SPOCK1: variants seen among roughly 807,000 people sequenced by gnomAD.
The protein encoded by SPOCK1 is SPARC (osteonectin), cwcv and kazal like domains proteoglycan 1, also known as testican-1.
Under a neutral mutation model 55.3 loss-of-function variants are expected in SPOCK1, and 23 were observed. The observed-to-expected ratio is 0.42, with a 90% CI of 0.30 to 0.59. SPOCK1 has a LOEUF of 0.59. Among genes scored for constraint, SPOCK1 ranks in the 20% least tolerant of loss-of-function variants. The probability of loss-of-function intolerance (pLI) is 0.22; values close to 1 mark genes in which losing one functional copy is unlikely to be tolerated. For missense variants in SPOCK1, 499 were observed against 552.5 expected, an observed-to-expected ratio of 0.90 and a Z score of 0.97; for synonymous variants, 226 against 221.0, an observed-to-expected ratio of 1.02 and a Z score of -0.20.
At chr5:137,477,707 G>A in intron 2 of SPOCK1, among the ~76,000 whole-genome samples, 1 of 152,136 alleles carries the variant, frequency 6.6e-6, no homozygotes, top group Non-Finnish European at 1.5e-5. Flanking sequence ...CACATTTGAG[G>A]GGGAAAACAG....
intron 2 of SPOCK1, among the ~76,000 whole-genome samples, chr5:137,456,989 T>C (rs541942939): frequency 7.2e-5 from 11 of 152,298 alleles, no homozygotes; most frequent in African/African-American, 2.4e-4. Context: ...AGTCTGCAAG[T>C]TGTTTGGCCA....
chr5:136,984,136 C>T (rs1750791697), intron 9 of SPOCK1, among the ~76,000 whole-genome samples: 1 of 152,186 alleles, frequency 6.6e-6, no homozygotes, highest in Non-Finnish European at 1.5e-5. Context: ...TGTCCTTTTA[C>T]TCAGCAGAAG....
intron 2 of SPOCK1, among the ~76,000 whole-genome samples, chr5:137,319,003 C>T (rs1475863653): frequency 6.6e-6 from 1 of 152,272 alleles, no homozygotes; most frequent in East Asian, 1.9e-4. Flanking sequence ...GCTTTAGCCC[C>T]TAAAATTTGC....
intron 6 of SPOCK1, among the ~76,000 whole-genome samples, chr5:137,062,525 AAATAATAATAATAAT>A (rs71583272): frequency 4.0e-4 from 58 of 143,470 alleles, no homozygotes; most frequent in African/African-American, 1.4e-3. Flanking sequence ...CAAGCATTAT[AAATAATAATAATAAT>A]AATAATAATA....
chr5:137,295,381 G>C (rs537366353), intron 2 of SPOCK1, among the ~76,000 whole-genome samples: 1 of 152,082 alleles, frequency 6.6e-6, no homozygotes, highest in Non-Finnish European at 1.5e-5. Context: ...TTCCTCCTTA[G>C]AGCTCTACCA....
Position 136,987,621 on chromosome 5 carries a change from C to T in SPOCK1, c.928+801G>A, listed in dbSNP as rs146271552. Among the ~76,000 whole-genome samples the T allele has an allele frequency of 4.1e-3, 631 of 152,260 alleles. 2 individuals carry two copies. Among genetic ancestry groups the T allele is most frequent in the Non-Finnish European group, 7.1e-3 (485 of 68,014 alleles). Reference sequence around the variant, plus strand: ...ATACTTACCTTTCACTGAATACCCACGTTTTTTGTTGTGTGTGTATTGTCT... The same window carrying T: ...ATACTTACCTTTCACTGAATACCCATGTTTTTTGTTGTGTGTGTATTGTCT... On this transcript the variant is annotated intron_variant, in intron 8 of 10. Transcript: ENST00000394945.
chr5:137,448,314 C>A (rs752439672), intron 2 of SPOCK1, among the ~76,000 whole-genome samples: 1 of 152,134 alleles, frequency 6.6e-6, no homozygotes, highest in Non-Finnish European at 1.5e-5. Context: ...AAGAACCACA[C>A]CTCACCTCAT....
intron 2 of SPOCK1, among the ~76,000 whole-genome samples, chr5:137,293,238 G>A (rs1364324467): frequency 6.6e-6 from 1 of 151,838 alleles, no homozygotes; most frequent in Non-Finnish European, 1.5e-5. Context: ...GACTTTGGCA[G>A]CTTTTATTAG....
intron 4 of SPOCK1, among the ~76,000 whole-genome samples, chr5:137,136,305 T>C (rs1289052846): frequency 2.6e-5 from 4 of 152,146 alleles, no homozygotes; most frequent in African/African-American, 4.8e-5. Flanking sequence ...TTAAAATGTA[T>C]AACTATATTG....
chr5:137,463,055 G>C (rs1753522400), intron 2 of SPOCK1, among the ~76,000 whole-genome samples: 1 of 152,184 alleles, frequency 6.6e-6, no homozygotes, highest in Non-Finnish European at 1.5e-5. Context: ...GGACAACGAG[G>C]AGTCATCACT....
chr5:137,404,660 C>G (rs185071948), intron 2 of SPOCK1, among the ~76,000 whole-genome samples: 1 of 150,748 alleles, frequency 6.6e-6, no homozygotes, highest in East Asian at 1.9e-4. Context: ...CCTTGTGATA[C>G]ACCTGCTTCA....
intron 2 of SPOCK1, among the ~76,000 whole-genome samples, chr5:137,341,997 T>A (rs2127156464): frequency 1.3e-5 from 2 of 152,364 alleles, no homozygotes; most frequent in Admixed American, 1.3e-4. Flanking sequence ...GCTCGGTGAC[T>A]TGCCAGAGAG....
At chr5:137,437,274 G>A (rs1191560886) in intron 2 of SPOCK1, among the ~76,000 whole-genome samples, 1 of 152,132 alleles carries the variant, frequency 6.6e-6, no homozygotes, top group Non-Finnish European at 1.5e-5. Flanking sequence ...CTTTGGAGCT[G>A]AGCCAAGACA....
intron 2 of SPOCK1, among the ~76,000 whole-genome samples, chr5:137,489,724 T>C (rs572255673): frequency 6.6e-6 from 1 of 152,352 alleles, no homozygotes; most frequent in African/African-American, 2.4e-5. Flanking sequence ...TAAAATACAC[T>C]AGGAGAGAGC....
intron 6 of SPOCK1, among the ~76,000 whole-genome samples, chr5:137,016,089 G>A (rs542460785): frequency 5.3e-5 from 8 of 152,280 alleles, no homozygotes; most frequent in African/African-American, 1.9e-4. Context: ...GGAGATAAGG[G>A]TGATGGAATC....
At chr5:137,115,308 G>A (rs1753557186) in intron 4 of SPOCK1, among the ~76,000 whole-genome samples, 1 of 151,824 alleles carries the variant, frequency 6.6e-6, no homozygotes, top group South Asian at 2.1e-4. Context: ...TATTTTCTAG[G>A]TGAGAAACTA....
chr5:137,103,151 C>T (rs927945400), intron 5 of SPOCK1, among the ~76,000 whole-genome samples: 7 of 152,008 alleles, frequency 4.6e-5, no homozygotes, highest in Middle Eastern at 3.2e-3. Context: ...CCACCACGCC[C>T]GGCTGACTTT....
At chr5:137,367,592 C>T (rs1159852015) in intron 2 of SPOCK1, among the ~76,000 whole-genome samples, 3 of 152,220 alleles carry the variant, frequency 2.0e-5, no homozygotes, top group African/African-American at 7.2e-5. Flanking sequence ...AGTGCCAACA[C>T]ACATGATCTA....
chr5:137,140,100 G>A lies in SPOCK1; in HGVS notation c.347+480C>T, dbSNP rs78148255. 8.5e-5 allele frequency among the ~76,000 whole-genome samples: 13 copies of A among 152,228 alleles called. No homozygotes were observed. The East Asian group carries it at 2.1e-3, about 25-fold the overall frequency. Reference sequence around the variant, plus strand: ...GTGGTGTGGTGGTCCTGAGAAGGCAGGACCCAAAAACCAAGGATGGCAAAG... The same window carrying A: ...GTGGTGTGGTGGTCCTGAGAAGGCAAGACCCAAAAACCAAGGATGGCAAAG... On this transcript the variant is annotated intron_variant, in intron 4 of 10. Transcript: ENST00000394945.
Sources: allele counts gnomAD v4.1 joint callset (sites outside exome capture counted in the v4.1 genomes callset), GRCh38; gene constraint gnomAD v4.1.1; transcripts MANE v1.5; gene names NCBI Gene and HGNC (gene_info 2026-07-23, HGNC 2026-07-21).